The following ATRX variants were observed in gnomAD, a reference collection of about 807,000 sequenced individuals.
ATRX encodes the protein chromatin remodeler ATRX.
Under a neutral mutation model 172.6 loss-of-function variants are expected in ATRX, and 12 were observed. The observed-to-expected ratio is 0.07, with a 90% CI of 0.04 to 0.11. The LOEUF is 0.11. Among genes scored for constraint, ATRX ranks in the 10% least tolerant of loss-of-function variants. The pLI is 1.00. For missense variants in ATRX, 1,368 were observed against 1,767.4 expected (o/e 0.77, Z 4.05); for synonymous variants, 674 against 594.7 (o/e 1.13, Z -1.94).
Position 77,683,258 on chromosome X carries a change from TCGC to T in ATRX, c.1995_1997del (p.Arg666del). The T allele has an allele frequency of 1.7e-6, 2 of 1,211,223 alleles. No homozygotes were observed. Among genetic ancestry groups the T allele is most frequent in the Non-Finnish European group, 2.2e-6 (2 of 895,135 alleles). On this transcript the variant is annotated inframe_deletion, in exon 9 of 35. Transcript: ENST00000373344. ...ATGTTACAGGGTTAGTTTCTGTCGG[TCGC>T]CTCAAGGGTGTAGTCTTTACACGTG...
At chrX:77,748,656 G>A (rs782083354) in intron 1 of ATRX, among the ~76,000 whole-genome samples, 3 of 106,993 alleles carry the variant, frequency 2.8e-5, no homozygotes, top group Non-Finnish European at 3.9e-5. Context: ...GTGTGATCTC[G>A]GCTCACTGTA....
chrX:77,748,763 T>C (rs1179838132), intron 1 of ATRX, among the ~76,000 whole-genome samples: 1 of 109,263 alleles, frequency 9.2e-6, no homozygotes, highest in Non-Finnish European at 1.9e-5. Flanking sequence ...ATTTTTATAT[T>C]TTTAGTAGAG....
intron 1 of ATRX, among the ~76,000 whole-genome samples, chrX:77,729,880 T>C (rs2074224215): frequency 9.0e-6 from 1 of 111,416 alleles, no homozygotes; most frequent in Admixed American, 9.6e-5. Context: ...GAGGCTGCAG[T>C]GAGCCAAGAT....
chrX:77,581,323 A>G (rs916212642), intron 27 of ATRX, among the ~76,000 whole-genome samples: 8 of 111,643 alleles, frequency 7.2e-5, no homozygotes, highest in African/African-American at 2.6e-4. Context: ...ACAAGAACAC[A>G]CTTCACCTGT....
chrX:77,540,842 TA>T (rs1371923463), intron 30 of ATRX, among the ~76,000 whole-genome samples: 37 of 111,880 alleles, frequency 3.3e-4, no homozygotes, highest in African/African-American at 1.2e-3. Flanking sequence ...TTTATAGCAC[TA>T]AATGCCCACA....
At chrX:77,546,829 G>A (rs2064260146) in intron 30 of ATRX, among the ~76,000 whole-genome samples, 1 of 112,147 alleles carries the variant, frequency 8.9e-6, no homozygotes, top group African/African-American at 3.2e-5. Flanking sequence ...TCTCCAAGAA[G>A]TACACACAAG....
At chrX:77,579,768 A>G (rs1205439751) in intron 27 of ATRX, among the ~76,000 whole-genome samples, 2 of 112,254 alleles carry the variant, frequency 1.8e-5, no homozygotes, top group African/African-American at 6.5e-5. Context: ...ACGAAAATCC[A>G]TAAGCATCAA....
intron 28 of ATRX, among the ~76,000 whole-genome samples, chrX:77,567,661 C>CAA (rs782410579): frequency 1.2e-4 from 12 of 99,021 alleles, no homozygotes; most frequent in African/African-American, 3.7e-4. Flanking sequence ...ACCACATAGC[C>CAA]AAAAAAAAAA....
At chrX:77,567,855 A>T (rs1404277371) in intron 28 of ATRX, among the ~76,000 whole-genome samples, 2 of 111,334 alleles carry the variant, frequency 1.8e-5, no homozygotes, top group East Asian at 2.8e-4. Context: ...ATATTTCCTG[A>T]ACATAATTGA....
At chrX:77,738,521 AAACT>A (rs2074702536) in intron 1 of ATRX, among the ~76,000 whole-genome samples, 1 of 107,047 alleles carries the variant, frequency 9.3e-6, no homozygotes, top group African/African-American at 3.4e-5. Flanking sequence ...ATAATCATCA[AAACT>A]AACAATATGT....
At chrX:77,756,968 T>C (rs1354392635) in intron 1 of ATRX, among the ~76,000 whole-genome samples, 2 of 110,555 alleles carry the variant, frequency 1.8e-5, no homozygotes, top group Non-Finnish European at 3.8e-5. Flanking sequence ...GTATTTTTAG[T>C]AGAGACGAAG....
intron 25 of ATRX, among the ~76,000 whole-genome samples, chrX:77,597,835 T>C (rs1305883967): frequency 8.9e-6 from 1 of 112,215 alleles, no homozygotes; most frequent in Non-Finnish European, 1.9e-5. Flanking sequence ...ACATTTATGT[T>C]GGTGGGATTG....
rs782525895 is a variant in ATRX, at chrX:77,656,543, A to G, written c.4214+17T>C. ...TCAGATTAATTCCTAAAATTTTTTA[A>G]AAACCAATTATAATACCTTGTTCTG... On this transcript the variant is annotated intron_variant, in intron 13 of 34. Coordinates refer to ENST00000373344, the MANE Select transcript of ATRX (RefSeq NM_000489.6). The G allele has an allele frequency of 1.8e-5, 22 of 1,194,194 alleles. No individual in the cohort carries two copies. The South Asian group carries it at 3.8e-4, about 20-fold the overall frequency.
chrX:77,567,723 A>C (rs953349470), intron 28 of ATRX, among the ~76,000 whole-genome samples: 12 of 111,148 alleles, frequency 1.1e-4, no homozygotes, highest in African/African-American at 3.6e-4. Flanking sequence ...AACAAAATCT[A>C]ATCAGTATTT....
At chrX:77,672,743 G>A (rs1178438545) in intron 10 of ATRX, among the ~76,000 whole-genome samples, 1 of 110,118 alleles carries the variant, frequency 9.1e-6, no homozygotes, top group Non-Finnish European at 1.9e-5. Context: ...AAAATGTGGA[G>A]TATTACTAGA....
intron 1 of ATRX, among the ~76,000 whole-genome samples, chrX:77,754,191 G>C (rs1384919064): frequency 1.8e-5 from 2 of 110,029 alleles, no homozygotes; most frequent in African/African-American, 6.6e-5. Flanking sequence ...CATTTGCTTG[G>C]TTAATATTCC....
chrX:77,636,780 AAAGAAGG>A (rs1252593619), intron 15 of ATRX, among the ~76,000 whole-genome samples: 12 of 107,921 alleles, frequency 1.1e-4, no homozygotes, highest in Non-Finnish European at 1.9e-4. Context: ...AAAAAAGAAG[AAAGAAGG>A]AAGAAGAAGG....
chrX:77,681,368 G>T, intron 9 of ATRX, 152 bp downstream of exon 9: 1 of 528,988 alleles, frequency 1.9e-6, no homozygotes, highest in Non-Finnish European at 3.0e-6. Flanking sequence ...AATAAATAGG[G>T]AAACTTTTTT....
At chrX:77,670,227 GT>G (rs1557128926) in intron 10 of ATRX, among the ~76,000 whole-genome samples, 1 of 111,634 alleles carries the variant, frequency 9.0e-6, no homozygotes, top group East Asian at 2.8e-4. Flanking sequence ...TGGTTTTTGT[GT>G]ACAATATCAT....
Sources: gnomAD v4.1 joint callset for allele counts (sites outside exome capture counted in the v4.1 genomes callset) on GRCh38, gnomAD v4.1.1 for gene constraint, MANE v1.5 for transcripts, NCBI Gene and HGNC (gene_info 2026-07-23, HGNC 2026-07-21) for gene names.